The following CCDC50 variants were observed in gnomAD, a reference collection of about 807,000 sequenced individuals.
CCDC50 encodes the protein coiled-coil domain-containing protein 50.
Under a neutral mutation model 70.2 loss-of-function variants are expected in CCDC50, and 54 were observed. The ratio of observed to expected loss-of-function variants is 0.77; its 90% CI spans 0.62 to 0.96. The LOEUF (loss-of-function observed/expected upper bound fraction) is 0.96, where lower values mean the gene tolerates loss of function less well. CCDC50 is among the 50% of genes least tolerant of loss of function. The probability of loss-of-function intolerance (pLI) is 0.00; values close to 1 mark genes in which losing one functional copy is unlikely to be tolerated. For missense variants in CCDC50, 558 were observed against 578.7 expected (o/e 0.96, Z 0.37); for synonymous variants, 216 against 198.8 (o/e 1.09, Z -0.73).
intron 10 of CCDC50, among the ~76,000 whole-genome samples, chr3:191,385,178 C>G (rs1322330053): frequency 6.6e-6 from 1 of 152,158 alleles, no homozygotes; most frequent in Non-Finnish European, 1.5e-5. Context: ...GGTATATACC[C>G]AGTAATGGAA....
rs1713788046 is a variant in CCDC50, at chr3:191,394,169, T to C, written c.*2409T>C. The C allele has an allele frequency of 6.6e-6, 1 of 152,178 alleles. No individual in the cohort carries two copies. The highest frequency in any genetic ancestry group is 6.5e-5 in the Admixed American group (1 of 15,278). 9.4% of individuals were successfully genotyped at this position (152,178 alleles called of 1,614,324 possible). A position where few individuals can be genotyped will look rare whatever the true frequency, so the allele number is the denominator to read the frequency against. Reference sequence around the variant, plus strand: ...TGTGATAGCTAATTCAACATCTTTATTGAAAATTTGTTACTTTTTTTAAAG... The same window carrying C: ...TGTGATAGCTAATTCAACATCTTTACTGAAAATTTGTTACTTTTTTTAAAG... On this transcript the variant is annotated 3_prime_UTR_variant, in exon 12 of 12. Transcript: ENST00000392455.
At chr3:191,372,782 G>A (rs1236732683) in intron 5 of CCDC50, among the ~76,000 whole-genome samples, 1 of 151,972 alleles carries the variant, frequency 6.6e-6, no homozygotes, top group Non-Finnish European at 1.5e-5. Context: ...GCCACTTATT[G>A]AAGTCATATT....
At chr3:191,373,387 CTA>C (rs1400598108) in intron 5 of CCDC50, among the ~76,000 whole-genome samples, 1 of 152,090 alleles carries the variant, frequency 6.6e-6, no homozygotes, top group Non-Finnish European at 1.5e-5. Flanking sequence ...AAAAGTAAAA[CTA>C]TGAATATCTA....
chr3:191,363,909 T>C (rs1285609422), intron 4 of CCDC50, among the ~76,000 whole-genome samples: 1 of 152,180 alleles, frequency 6.6e-6, no homozygotes, highest in South Asian at 2.1e-4. Context: ...TTTGCGTGAG[T>C]AAAGTTTGTC....
chr3:191,334,357 T>A (rs1718076587), intron 1 of CCDC50, among the ~76,000 whole-genome samples: 1 of 152,182 alleles, frequency 6.6e-6, no homozygotes, highest in African/African-American at 2.4e-5. Flanking sequence ...GAAGGGAATT[T>A]TCAAATGGAT....
chr3:191,344,896 A>G (rs1384305070), intron 1 of CCDC50, among the ~76,000 whole-genome samples: 2 of 152,124 alleles, frequency 1.3e-5, no homozygotes, highest in South Asian at 2.1e-4. Context: ...CAATTCTAAT[A>G]TATGTCCCAT....
intron 3 of CCDC50, among the ~76,000 whole-genome samples, chr3:191,360,015 TC>T (rs1174192258): frequency 2.0e-5 from 3 of 152,226 alleles, no homozygotes; most frequent in Non-Finnish European, 4.4e-5. Flanking sequence ...TTGAAATTGT[TC>T]CTGGATGAAA....
chr3:191,334,857 T>A (rs1324210847), intron 1 of CCDC50, among the ~76,000 whole-genome samples: 1 of 152,174 alleles, frequency 6.6e-6, no homozygotes, highest in Non-Finnish European at 1.5e-5. Flanking sequence ...TAATGTATCA[T>A]ATGGATGCTG....
At position 191,358,022 on chromosome 3, in the gene CCDC50, T is replaced by C. The variant is rs762769423; in HGVS notation, c.137T>C (p.Val46Ala). 2 of 1,614,044 alleles carry C rather than the reference T, an allele frequency of 1.2e-6. No homozygotes were observed. Among genetic ancestry groups the C allele is most frequent in the Admixed American group, 3.3e-5 (2 of 60,028 alleles). The change falls in exon 3 of 12, where the codon GTT becomes GCT. Residue 46 changes from valine (V) to alanine (A), a missense_variant. By Grantham distance (64) the Val-to-Ala change is moderately conservative (BLOSUM62 0). Coordinates refer to ENST00000392455, the MANE Select transcript of CCDC50 (RefSeq NM_178335.3). ...QEIEHHLASNVQRNRLVQHDL... is the reference protein window; with the variant it reads ...QEIEHHLASNAQRNRLVQHDL... ...GTTGAGCATCATTTGGCATCGAACG[T>C]TCAGCGGAACCGTTTGGTCCAGCAT... is the stretch of plus-strand genomic sequence containing the variant.
chr3:191,368,957 C>T (rs982687188), intron 4 of CCDC50, among the ~76,000 whole-genome samples: 43 of 152,116 alleles, frequency 2.8e-4, no homozygotes, highest in African/African-American at 9.9e-4. Context: ...AATCCTCCAT[C>T]CCCTTATTTT....
intron 3 of CCDC50, among the ~76,000 whole-genome samples, chr3:191,360,221 A>G (rs1463248306): frequency 6.6e-6 from 1 of 152,238 alleles, no homozygotes; most frequent in African/African-American, 2.4e-5. Context: ...AGGAGTCTGT[A>G]TAATTAGCTG....
Position 191,389,546 on chromosome 3 carries a change from T to C in CCDC50, c.1373T>C (p.Phe458Ser). The change falls in exon 11 of 12, where the codon TTT (phenylalanine) becomes TCT (serine). Residue 458 changes from phenylalanine to serine, a missense_variant. Physicochemically the swap from Phe to Ser is radical, Grantham distance 155. Transcript: ENST00000392455. ...GGTGAAGATGCGGATTACACTCATTTTACAAACCAGCAGAGTTCCACACGG... is the reference window on the plus strand; with the variant it reads ...GGTGAAGATGCGGATTACACTCATTCTACAAACCAGCAGAGTTCCACACGG... ...TDGEDADYTH[F>S]TNQQSSTRHF... 6.2e-7 allele frequency: 1 copy of C among 1,614,134 alleles called. No individual in the cohort carries two copies. Among genetic ancestry groups the C allele is most frequent in the Non-Finnish European group, 8.5e-7 (1 of 1,179,986 alleles).
intron 1 of CCDC50, chr3:191,330,450 C>T (rs947799478): frequency 3.9e-5 from 6 of 152,212 alleles, no homozygotes; most frequent in African/African-American, 1.4e-4. Flanking sequence ...TTTTGACTTC[C>T]CTTCTCTTGT....
At chr3:191,381,345 C>T (rs556819411) in intron 9 of CCDC50, among the ~76,000 whole-genome samples, 7 of 152,264 alleles carry the variant, frequency 4.6e-5, no homozygotes, top group African/African-American at 1.7e-4. Flanking sequence ...GTATCCGTTT[C>T]TCTTTCCTTT....
intron 9 of CCDC50, among the ~76,000 whole-genome samples, chr3:191,381,425 T>C (rs536321611): frequency 6.6e-6 from 1 of 152,292 alleles, no homozygotes; most frequent in Middle Eastern, 3.4e-3. Context: ...TATGTCACAG[T>C]GCAAGACCTA....
chr3:191,389,553 C>G lies in CCDC50; in HGVS notation c.1380C>G (p.Asn460Lys). ...ATGCGGATTACACTCATTTTACAAA[C>G]CAGCAGAGTTCCACACGGCATTTCT... ...GEDADYTHFT[N>K]QQSSTRHFSK... The change falls in exon 11 of 12, where the codon AAC (asparagine) becomes AAG (lysine). Residue 460 changes from asparagine to lysine, a missense_variant. By Grantham distance (94) the Asn-to-Lys change is moderately conservative. Transcript: ENST00000392455. 1 of 1,614,104 alleles carries G rather than the reference C, an allele frequency of 6.2e-7. No individual in the cohort carries two copies. The highest frequency in any genetic ancestry group is 8.5e-7 in the Non-Finnish European group (1 of 1,179,964).
intron 1 of CCDC50, among the ~76,000 whole-genome samples, chr3:191,333,924 T>C (rs1169404258): frequency 1.3e-5 from 2 of 152,188 alleles, no homozygotes; most frequent in Middle Eastern, 3.2e-3. Context: ...AACATAGATA[T>C]GTATTACATA....
chr3:191,334,878 C>G (rs1427084003), intron 1 of CCDC50, among the ~76,000 whole-genome samples: 1 of 152,134 alleles, frequency 6.6e-6, no homozygotes, highest in Non-Finnish European at 1.5e-5. Flanking sequence ...AGTTAACATA[C>G]AATTTTTTAC....
intron 1 of CCDC50, among the ~76,000 whole-genome samples, chr3:191,337,046 C>T (rs1057476613): frequency 2.0e-5 from 3 of 151,566 alleles, no homozygotes; most frequent in African/African-American, 7.3e-5. Flanking sequence ...GGAACATAGC[C>T]ATACTTATTC....
Sources: gnomAD v4.1 joint callset for allele counts (sites outside exome capture counted in the v4.1 genomes callset) on GRCh38, gnomAD v4.1.1 for gene constraint, MANE v1.5 for transcripts, NCBI Gene and HGNC (gene_info 2026-07-23, HGNC 2026-07-21) for gene names.